CSMD2: variants seen among roughly 807,000 people sequenced by gnomAD.
CSMD2 encodes CUB and Sushi multiple domains 2, also known as CUB and sushi domain-containing protein 2.
In CSMD2, 130 loss-of-function variants were observed where a neutral mutation model predicts 398.5. The observed-to-expected ratio is 0.33, with a 90% confidence interval of 0.28 to 0.38. The LOEUF (loss-of-function observed/expected upper bound fraction) is 0.38, where lower values mean the gene tolerates loss of function less well. Among genes scored for constraint, CSMD2 ranks in the 10% least tolerant of loss-of-function variants. The pLI is 1.00. For missense variants in CSMD2, 3,829 were observed against 4,764.9 expected, an observed-to-expected ratio of 0.80 and a Z score of 5.78; for synonymous variants, 1,828 against 1,908.5, an observed-to-expected ratio of 0.96 and a Z score of 1.10.
chr1:34,010,868 G>C (rs1370702560), intron 3 of CSMD2, among the ~76,000 whole-genome samples: 1 of 152,132 alleles, frequency 6.6e-6, no homozygotes, highest in Non-Finnish European at 1.5e-5. Context: ...CTCGTGATCT[G>C]CCCGCCTCGG....
Position 33,763,858 on chromosome 1 carries a change from T to C in CSMD2, c.1846+8711A>G, listed in dbSNP as rs116189179. Among the ~76,000 whole-genome samples, 727 of 152,300 alleles carry C rather than the reference T, an allele frequency of 4.8e-3. 3 individuals carry two copies. The highest frequency in any genetic ancestry group is 0.016 in the African/African-American group (684 of 41,566). On this transcript the variant is annotated intron_variant, in intron 13 of 70. Coordinates refer to ENST00000373381, the MANE Select transcript of CSMD2 (RefSeq NM_001281956.2). ...GCTTGTGAGAAGCCCAGCATACATA[T>C]AGGCCCACTCAGTTTTAGGATCTCC...
intron 3 of CSMD2, among the ~76,000 whole-genome samples, chr1:33,967,855 G>A (rs1341199691): frequency 1.3e-5 from 2 of 152,176 alleles, no homozygotes; most frequent in Non-Finnish European, 2.9e-5. Context: ...AGGAAGGAGG[G>A]CTTGTCTGAA....
At chr1:33,570,166 CTT>C (rs5773416) in intron 51 of CSMD2, among the ~76,000 whole-genome samples, 3,870 of 117,230 alleles carry the variant, frequency 0.033, 157 homozygotes, top group African/African-American at 0.11. Context: ...CGGACATTGG[CTT>C]TTTTTTTTTT....
intron 26 of CSMD2, among the ~76,000 whole-genome samples, chr1:33,661,285 A>G (rs1304046247): frequency 6.6e-6 from 1 of 152,202 alleles, no homozygotes; most frequent in African/African-American, 2.4e-5. Context: ...CTTTCCCCAG[A>G]GAGTGGATCG....
chr1:33,591,042 ACAATGGTG>A (rs1639413961), intron 44 of CSMD2, among the ~76,000 whole-genome samples: 1 of 130,478 alleles, frequency 7.7e-6, no homozygotes. Context: ...AGGCTGGATC[ACAATGGTG>A]CGATCTCGGC....
At chr1:33,930,363 A>G (rs1644271933) in intron 4 of CSMD2, among the ~76,000 whole-genome samples, 1 of 152,158 alleles carries the variant, frequency 6.6e-6, no homozygotes, top group South Asian at 2.1e-4. Context: ...GACTCTATGC[A>G]CTGTCCATAC....
chr1:33,836,902 T>C (rs906592789), intron 6 of CSMD2, among the ~76,000 whole-genome samples: 1 of 152,208 alleles, frequency 6.6e-6, no homozygotes, highest in African/African-American at 2.4e-5. Flanking sequence ...CCCAGTGAGA[T>C]GCATCCAGTA....
rs142985526 is a variant in CSMD2, at chr1:33,820,139, T to C, written c.1200-302A>G. On this transcript the variant is annotated intron_variant, in intron 8 of 70. Transcript: ENST00000373381. The stretch of plus-strand genomic sequence containing the variant: ...CGTGGGTGGATGATACCCATAAACT[T>C]TAAGGAAAATGGTCTCCTAGATTAT... Among the ~76,000 whole-genome samples the C allele has an allele frequency of 7.1e-3, 1,086 of 152,214 alleles. 12 individuals are homozygous for C. Among genetic ancestry groups the C allele is most frequent in the African/African-American group, 0.025 (1,041 of 41,532 alleles).
At chr1:33,628,044 CA>C (rs946266075) in intron 32 of CSMD2, among the ~76,000 whole-genome samples, 8 of 152,152 alleles carry the variant, frequency 5.3e-5, no homozygotes, top group Non-Finnish European at 1.2e-4. Flanking sequence ...TGAACCACAA[CA>C]AAGAACAGGC....
intron 37 of CSMD2, among the ~76,000 whole-genome samples, chr1:33,621,848 T>C (rs1641791426): frequency 6.6e-6 from 1 of 152,200 alleles, no homozygotes; most frequent in Non-Finnish European, 1.5e-5. Context: ...GGCCAGGTTT[T>C]AGACCTGGGG....
At chr1:33,736,136 G>A (rs1021809209) in intron 15 of CSMD2, among the ~76,000 whole-genome samples, 6 of 152,184 alleles carry the variant, frequency 3.9e-5, no homozygotes, top group South Asian at 4.1e-4. Flanking sequence ...CTTACTTCTA[G>A]TGCCTACTGC....
At chr1:33,715,895 T>C (rs1174070043) in intron 20 of CSMD2, among the ~76,000 whole-genome samples, 1 of 119,988 alleles carries the variant, frequency 8.3e-6, no homozygotes, top group African/African-American at 2.8e-5. Context: ...CTCCAATATG[T>C]TAATTTCAAA....
At chr1:33,793,209 G>A (rs1457476145) in intron 10 of CSMD2, among the ~76,000 whole-genome samples, 3 of 152,170 alleles carry the variant, frequency 2.0e-5, no homozygotes, top group Non-Finnish European at 4.4e-5. Flanking sequence ...TGGGAGCGAA[G>A]AGGAGCCTAT....
chr1:33,694,118 T>A (rs761061463), intron 24 of CSMD2, among the ~76,000 whole-genome samples: 2 of 152,076 alleles, frequency 1.3e-5, no homozygotes, highest in Non-Finnish European at 2.9e-5. Context: ...CATGCTACAA[T>A]ATAGATGAAC....
chr1:33,526,269 G>A (rs1374816692), intron 65 of CSMD2, among the ~76,000 whole-genome samples: 1 of 152,208 alleles, frequency 6.6e-6, no homozygotes, highest in Non-Finnish European at 1.5e-5. Context: ...TGACATGTCA[G>A]TATAGCATGG....
At chr1:33,898,504 C>G (rs777773385) in intron 5 of CSMD2, among the ~76,000 whole-genome samples, 1 of 152,088 alleles carries the variant, frequency 6.6e-6, no homozygotes, top group Non-Finnish European at 1.5e-5. Context: ...TAATTAATCC[C>G]CCTGAATAAA....
chr1:33,934,719 C>G (rs965492436), intron 4 of CSMD2, among the ~76,000 whole-genome samples: 4 of 151,740 alleles, frequency 2.6e-5, no homozygotes, highest in Admixed American at 6.6e-5. Context: ...TCGTGTGCCA[C>G]GTATGGTGGC....
At chr1:33,693,350 G>A (rs534749739) in intron 24 of CSMD2, among the ~76,000 whole-genome samples, 1 of 152,294 alleles carries the variant, frequency 6.6e-6, no homozygotes, top group East Asian at 1.9e-4. Flanking sequence ...ATGAAAAGAT[G>A]TTTAACATTG....
intron 22 of CSMD2, among the ~76,000 whole-genome samples, chr1:33,707,554 C>A (rs937107610): frequency 6.6e-6 from 1 of 152,174 alleles, no homozygotes; most frequent in African/African-American, 2.4e-5. Flanking sequence ...GCTTAAGAAG[C>A]CAATGAGATT....
Sources: allele counts gnomAD v4.1 joint callset (sites outside exome capture counted in the v4.1 genomes callset), GRCh38; gene constraint gnomAD v4.1.1; transcripts MANE v1.5; gene names NCBI Gene and HGNC (gene_info 2026-07-23, HGNC 2026-07-21).